DGKI: variants seen among roughly 807,000 people sequenced by gnomAD.
DGKI encodes the protein DAG kinase iota.
DGKI carries 55 observed loss-of-function variants against 147.5 expected under a neutral mutation model. That is an observed-to-expected ratio of 0.37 (90% CI 0.30 to 0.47). The LOEUF (loss-of-function observed/expected upper bound fraction) is 0.47. Among genes scored for constraint, DGKI ranks in the 20% least tolerant of loss-of-function variants. DGKI has a pLI of 1.00. For synonymous variants in DGKI, 469 were observed against 477.1 expected (o/e 0.98, Z 0.22); for missense variants, 1,007 against 1,323.8 (o/e 0.76, Z 3.71).
At chr7:137,730,920 C>G (rs1168143262) in intron 1 of DGKI, among the ~76,000 whole-genome samples, 1 of 152,050 alleles carries the variant, frequency 6.6e-6, no homozygotes, top group African/African-American at 2.4e-5. Flanking sequence ...GATAATACAG[C>G]CTAAGTTTCA....
At chr7:137,391,417 C>G in intron 32 of DGKI, 81 bp from the exon 33 acceptor site, 1 of 949,172 alleles carries the variant, frequency 1.1e-6, no homozygotes, top group Non-Finnish European at 1.6e-6. Context: ...AAACAAAAAA[C>G]AAAACAAAAC....
Position 137,553,315 on chromosome 7 carries a change from A to G in DGKI, c.1948-747T>C, listed in dbSNP as rs116235918. ...ACATTGTTACTTTTCAAGTTTAAAT[A>G]GGTGTTTGCTTTTTATCTAAACTTC... On this transcript the variant is annotated intron_variant, in intron 19 of 32. Coordinates refer to ENST00000614521, the MANE Select transcript of DGKI (RefSeq NM_001321708.2). Among the ~76,000 whole-genome samples, 962 of 152,366 alleles carry G rather than the reference A, an allele frequency of 6.3e-3. 12 individuals carry two copies. The highest frequency in any genetic ancestry group is 0.022 in the African/African-American group (907 of 41,592).
chr7:137,769,099 G>C (rs1022230122), intron 1 of DGKI, among the ~76,000 whole-genome samples: 4 of 152,136 alleles, frequency 2.6e-5, no homozygotes, highest in Admixed American at 2.0e-4. Flanking sequence ...TATGCATAGG[G>C]ATTTCGCATT....
intron 30 of DGKI, among the ~76,000 whole-genome samples, chr7:137,403,932 T>C (rs1811851332): frequency 6.6e-6 from 1 of 152,170 alleles, no homozygotes; most frequent in South Asian, 2.1e-4. Flanking sequence ...TACAATGCCA[T>C]AGTCTGGTAT....
chr7:137,769,553 G>C lies in DGKI; in HGVS notation c.401+76909C>G, dbSNP rs530568189. Among the ~76,000 whole-genome samples the C allele has an allele frequency of 4.6e-5, 7 of 151,846 alleles. No homozygotes were observed. In the East Asian group the frequency reaches 1.4e-3, roughly 30 times the overall value. ...GAGTGAACAGGCAACCTATGAATGG[G>C]AGAAAATTTTTGCAATCTACTCATT... On this transcript the variant is annotated intron_variant, in intron 1 of 32. Coordinates refer to ENST00000614521, the MANE Select transcript of DGKI (RefSeq NM_001321708.2).
chr7:137,433,210 AC>A (rs1420297965), intron 28 of DGKI, among the ~76,000 whole-genome samples: 2 of 152,242 alleles, frequency 1.3e-5, no homozygotes, highest in East Asian at 1.9e-4. Flanking sequence ...GGTTGGGCAA[AC>A]AAAAATGCAA....
intron 1 of DGKI, among the ~76,000 whole-genome samples, chr7:137,741,184 T>G (rs1250173239): frequency 6.6e-6 from 1 of 152,220 alleles, no homozygotes; most frequent in East Asian, 1.9e-4. Flanking sequence ...ATCCAGCAGG[T>G]GCTATGCACA....
intron 6 of DGKI, among the ~76,000 whole-genome samples, chr7:137,632,370 A>G (rs1462825024): frequency 6.6e-6 from 1 of 152,230 alleles, no homozygotes; most frequent in Non-Finnish European, 1.5e-5. Flanking sequence ...GAATCTTACA[A>G]TAACACAGCA....
chr7:137,632,444 G>A (rs1026698789), intron 6 of DGKI, among the ~76,000 whole-genome samples: 1 of 152,220 alleles, frequency 6.6e-6, no homozygotes, highest in African/African-American at 2.4e-5. Context: ...AACTTGGGTA[G>A]TTGTATGCTG....
chr7:137,705,787 C>T lies in DGKI; in HGVS notation c.402-15785G>A, dbSNP rs185802060. Among the ~76,000 whole-genome samples, 293 of 152,050 alleles carry T rather than the reference C, an allele frequency of 1.9e-3. 1 individual carries two copies. The highest frequency in any genetic ancestry group is 3.3e-3 in the Non-Finnish European group (227 of 67,974). ...TGAAATGATAGCTATTATTATTAAA[C>T]AATGGAGGTCAGTATCCATGAACAT... On this transcript the variant is annotated intron_variant, in intron 1 of 32. Coordinates refer to ENST00000614521, the MANE Select transcript of DGKI (RefSeq NM_001321708.2).
intron 1 of DGKI, among the ~76,000 whole-genome samples, chr7:137,780,371 T>C (rs555370766): frequency 1.3e-5 from 2 of 152,344 alleles, no homozygotes; most frequent in South Asian, 2.1e-4. Context: ...ATCAGATATA[T>C]GGATCTGCAT....
chr7:137,819,139 T>C (rs979307624), intron 1 of DGKI, among the ~76,000 whole-genome samples: 10 of 152,156 alleles, frequency 6.6e-5, no homozygotes, highest in African/African-American at 2.4e-4. Context: ...ACTGGGAACC[T>C]GGTGCTCCAC....
chr7:137,430,853 G>C (rs1813042979), intron 28 of DGKI, among the ~76,000 whole-genome samples: 1 of 151,978 alleles, frequency 6.6e-6, no homozygotes, highest in South Asian at 2.1e-4. Flanking sequence ...AGTGTGTCAG[G>C]AATAGCGGGA....
At chr7:137,753,885 A>G (rs1324053324) in intron 1 of DGKI, among the ~76,000 whole-genome samples, 3 of 152,188 alleles carry the variant, frequency 2.0e-5, no homozygotes, top group Admixed American at 6.5e-5. Flanking sequence ...AATGGCATAT[A>G]AATAAAAAAA....
rs761597977 is a variant in DGKI, at chr7:137,391,268, A to C, written c.3126T>G (p.Arg1042=). ...CATGGCCAATGACCTTATAGTTCTG[A>C]CGGCTTTCTAGGTAAGCAGCCAAGT... ...DPDLAAYLES[R]QNYKVIGHED... Residue 1042 remains arginine, a synonymous_variant, in exon 33 of 33, where the codon CGT becomes CGG. Transcript: ENST00000614521. The C allele has an allele frequency of 5.0e-6, 8 of 1,613,636 alleles. No individual in the cohort carries two copies. The highest frequency in any genetic ancestry group is 6.8e-6 in the Non-Finnish European group (8 of 1,179,922).
intron 1 of DGKI, among the ~76,000 whole-genome samples, chr7:137,724,236 C>G (rs1460766404): frequency 1.3e-5 from 2 of 152,096 alleles, no homozygotes; most frequent in Non-Finnish European, 2.9e-5. Flanking sequence ...GGAGATAAGG[C>G]TGGAGAGGCA....
intron 19 of DGKI, among the ~76,000 whole-genome samples, chr7:137,557,324 C>T (rs1401804039): frequency 6.6e-6 from 1 of 151,562 alleles, no homozygotes; most frequent in African/African-American, 2.4e-5. Flanking sequence ...GCAGACTGCC[C>T]CTGTTAGAAT....
chr7:137,398,053 G>C (rs1489110662), intron 30 of DGKI, among the ~76,000 whole-genome samples: 1 of 152,086 alleles, frequency 6.6e-6, no homozygotes, highest in Non-Finnish European at 1.5e-5. Flanking sequence ...CTGTACCACT[G>C]CTTCTCTCCC....
intron 15 of DGKI, among the ~76,000 whole-genome samples, chr7:137,578,792 C>T (rs777081406): frequency 5.3e-5 from 8 of 152,266 alleles, no homozygotes; most frequent in Non-Finnish European, 7.4e-5. Flanking sequence ...TTTACTTTGA[C>T]TTTCATAGGG....
Sources: allele counts gnomAD v4.1 joint callset (sites outside exome capture counted in the v4.1 genomes callset), GRCh38; gene constraint gnomAD v4.1.1; transcripts MANE v1.5; gene names NCBI Gene and HGNC (gene_info 2026-07-23, HGNC 2026-07-21).